The following KIAA0513 variants were observed in gnomAD, a reference collection of about 807,000 sequenced individuals.
The protein encoded by KIAA0513 is KIAA0513, also known as uncharacterized protein KIAA0513.
Under a neutral mutation model 56.5 loss-of-function variants are expected in KIAA0513, and 39 were observed. The observed-to-expected ratio is 0.69, with a 90% CI of 0.53 to 0.90. The LOEUF (loss-of-function observed/expected upper bound fraction) is 0.90. Ranked by LOEUF, KIAA0513 falls within the 40% of genes least tolerant of loss-of-function variation. The probability of loss-of-function intolerance (pLI) is 0.00; values close to 1 mark genes in which losing one functional copy is unlikely to be tolerated. For missense variants in KIAA0513, 591 were observed against 535.2 expected (o/e 1.10, Z -1.03); for synonymous variants, 268 against 215.6 (o/e 1.24, Z -2.13).
Position 85,091,043 on chromosome 16 carries a change from C to G in KIAA0513, c.*2718C>G, listed in dbSNP as rs917622558. 1 of 152,232 alleles carries G rather than the reference C, an allele frequency of 6.6e-6. No homozygotes were observed. The highest frequency in any genetic ancestry group is 1.5e-5 in the Non-Finnish European group (1 of 68,050). 9.4% of individuals were successfully genotyped at this position (152,232 alleles called of 1,614,324 possible). A position where few individuals can be genotyped will look rare whatever the true frequency, so the allele number is the denominator to read the frequency against. On this transcript the variant is annotated 3_prime_UTR_variant, in exon 13 of 13. Transcript: ENST00000683363. ...GTGTAGGAGAGCTCTGGTGGCCCCT[C>G]CGTAAACTCAGGAAGTGTCAGGTGA...
rs112431758 is a variant in KIAA0513, at chr16:85,075,409, C to T, written c.504-435C>T. Among the ~76,000 whole-genome samples the T allele has an allele frequency of 1.1e-4, 17 of 152,244 alleles. No homozygotes were observed. The Middle Eastern group carries it at 0.01, about 91-fold the overall frequency. On this transcript the variant is annotated intron_variant, in intron 4 of 12. Transcript: ENST00000683363. The stretch of plus-strand genomic sequence containing the variant: ...GGCTCCACCTCCTGACACCCCACTG[C>T]GAATGCTGTGGGCGGGAGCCTGAGA...
rs4991777 is a variant in KIAA0513, at chr16:85,062,993, C to A, written c.-172-3907C>A. Among the ~76,000 whole-genome samples, 413 of 146,890 alleles carry A rather than the reference C, an allele frequency of 2.8e-3. 3 individuals carry two copies. The highest frequency in any genetic ancestry group is 9.6e-3 in the African/African-American group (397 of 41,236). On this transcript the variant is annotated intron_variant, in intron 1 of 12. Transcript: ENST00000683363. ...TGACATCTTAGATCTGTGAGCGAGC[C>A]CCAGACAGCTGAGATCCCTGAGCTG... is the stretch of plus-strand genomic sequence containing the variant.
At chr16:85,052,743 AG>A (rs2073271825) in intron 1 of KIAA0513, among the ~76,000 whole-genome samples, 2 of 152,186 alleles carry the variant, frequency 1.3e-5, no homozygotes, top group Non-Finnish European at 2.9e-5. Context: ...GTTTGGGGGC[AG>A]GTGCTTTTGT....
intron 1 of KIAA0513, among the ~76,000 whole-genome samples, chr16:85,048,592 T>C (rs1229898450): frequency 6.6e-6 from 1 of 152,180 alleles, no homozygotes; most frequent in African/African-American, 2.4e-5. Context: ...TAAAAGACTT[T>C]CTGAAGCTGG....
intron 8 of KIAA0513, chr16:85,079,716 T>A (rs1379830601): frequency 6.6e-6 from 1 of 152,290 alleles, no homozygotes; most frequent in African/African-American, 2.4e-5. Flanking sequence ...GAAATGGTGG[T>A]GGCTGCACAA....
rs141231040 is a variant in KIAA0513, at chr16:85,045,441, C to T, written c.-173+17583C>T. ...TGCAATATTGGCTCACTGCAACCTC[C>T]GCCTCCCAGGTTCAAGTGATTCTCC... On this transcript the variant is annotated intron_variant, in intron 1 of 12. Coordinates refer to ENST00000683363, the MANE Select transcript of KIAA0513 (RefSeq NM_001388359.1). 5.4e-3 allele frequency among the ~76,000 whole-genome samples: 823 copies of T among 152,252 alleles called. 9 individuals are homozygous for T. The highest frequency in any genetic ancestry group is 0.019 in the African/African-American group (777 of 41,540).
chr16:85,033,559 G>C (rs1221746840), intron 1 of KIAA0513, among the ~76,000 whole-genome samples: 6 of 152,110 alleles, frequency 3.9e-5, no homozygotes, highest in African/African-American at 1.4e-4. Flanking sequence ...ATTTGGAAGG[G>C]CTGTTCACGA....
intron 1 of KIAA0513, among the ~76,000 whole-genome samples, chr16:85,049,419 G>A (rs1314238247): frequency 2.0e-5 from 3 of 152,198 alleles, no homozygotes; most frequent in African/African-American, 4.8e-5. Flanking sequence ...ATACGGTTTG[G>A]TTCTGCGTCC....
Position 85,087,040 on chromosome 16 carries a change from A to G in KIAA0513, c.1092-32A>G, listed in dbSNP as rs1428727179. 4.4e-6 allele frequency: 7 copies of G among 1,604,908 alleles called. 1 individual carries two copies. In the South Asian group the frequency reaches 7.7e-5, roughly 18 times the overall value. On this transcript the variant is annotated intron_variant, in intron 11 of 12. Coordinates refer to ENST00000683363, the MANE Select transcript of KIAA0513 (RefSeq NM_001388359.1). ...CCCCGGCCCTTTCCCCTGGGAGGCC[A>G]GCGGGTGACGCTCTTGGGGTTTCTC... is the stretch of plus-strand genomic sequence containing the variant.
At chr16:85,080,746 T>G (rs974125587) in intron 8 of KIAA0513, among the ~76,000 whole-genome samples, 3 of 152,202 alleles carry the variant, frequency 2.0e-5, no homozygotes, top group Admixed American at 6.5e-5. Flanking sequence ...TGAGCCGAGA[T>G]TGTGCCATTG....
chr16:85,033,686 G>T (rs1172936999), intron 1 of KIAA0513, among the ~76,000 whole-genome samples: 1 of 152,084 alleles, frequency 6.6e-6, no homozygotes, highest in Non-Finnish European at 1.5e-5. Context: ...GATGGGGGAG[G>T]GTAGAGCAGG....
chr16:85,054,263 A>G lies in KIAA0513; in HGVS notation c.-172-12637A>G, dbSNP rs1035476270. ...GAATGTCTTTTAGAATTACTTAGAC[A>G]TAGATTGTTATGTGTCACCTTGGTC... On this transcript the variant is annotated intron_variant, in intron 1 of 12. Coordinates refer to ENST00000683363, the MANE Select transcript of KIAA0513 (RefSeq NM_001388359.1). Among the ~76,000 whole-genome samples the G allele has an allele frequency of 3.9e-5, 6 of 152,322 alleles. No individual in the cohort carries two copies. The South Asian group carries it at 8.3e-4, about 21-fold the overall frequency.
chr16:85,066,612 G>A (rs904173198), intron 1 of KIAA0513, among the ~76,000 whole-genome samples: 10 of 152,298 alleles, frequency 6.6e-5, no homozygotes, highest in African/African-American at 2.2e-4. Flanking sequence ...CTGTCCTGGC[G>A]ATGGGCTCAG....
At chr16:85,044,057 C>T (rs1417449411) in intron 1 of KIAA0513, among the ~76,000 whole-genome samples, 1 of 152,186 alleles carries the variant, frequency 6.6e-6, no homozygotes, top group Non-Finnish European at 1.5e-5. Flanking sequence ...AAATGCCTTA[C>T]TTGAACCTTC....
chr16:85,038,505 C>T (rs1453474966), intron 1 of KIAA0513, among the ~76,000 whole-genome samples: 1 of 151,888 alleles, frequency 6.6e-6, no homozygotes, highest in Admixed American at 6.6e-5. Context: ...TCAGGAGTTC[C>T]AGACCGGTCT....
Position 85,090,852 on chromosome 16 carries a change from G to A in KIAA0513, c.*2527G>A, listed in dbSNP as rs895512962. The A allele has an allele frequency of 6.6e-6, 1 of 152,444 alleles. No homozygotes were observed. The highest frequency in any genetic ancestry group is 2.4e-5 in the African/African-American group (1 of 41,458). 9.4% of individuals were successfully genotyped at this position (152,444 alleles called of 1,614,324 possible). ...TGCTTGGAGAAGGCTCAGTGTGCCT[G>A]GGACAGGGCTTACCACCTGCCACCA... On this transcript the variant is annotated 3_prime_UTR_variant, in exon 13 of 13. Transcript: ENST00000683363.
chr16:85,078,467 C>T lies in KIAA0513; in HGVS notation c.823+12C>T, dbSNP rs1241388259. On this transcript the variant is annotated intron_variant, in intron 7 of 12. Coordinates refer to ENST00000683363, the MANE Select transcript of KIAA0513 (RefSeq NM_001388359.1). Reference sequence around the variant, plus strand: ...GCGGCCCAGGGCTGGTGAGTCTGCCCAGGCAGCAGCAGGAGACGCCCAGCC... The same window carrying T: ...GCGGCCCAGGGCTGGTGAGTCTGCCTAGGCAGCAGCAGGAGACGCCCAGCC... 3 of 1,612,694 alleles carry T rather than the reference C, an allele frequency of 1.9e-6. No individual in the cohort carries two copies. The highest frequency in any genetic ancestry group is 1.1e-5 in the South Asian group (1 of 91,050).
In KIAA0513 at chr16:85,076,467, G is replaced by A. The variant is rs765095777; in HGVS notation, c.574+553G>A. Among the ~76,000 whole-genome samples the A allele has an allele frequency of 1.3e-5, 2 of 152,170 alleles. No homozygotes were observed. Among genetic ancestry groups the A allele is most frequent in the Non-Finnish European group, 2.9e-5 (2 of 68,018 alleles). ...ATGTTGGAGCTCAAGGGCTTCCTGC[G>A]TGAGTCTCCTTGGGCTGCAGCAACA... On this transcript the variant is annotated intron_variant, in intron 5 of 12. Transcript: ENST00000683363. This position sits in a 1 kb window ranked among gnomAD's most constrained non-coding sequence, Gnocchi z 4.7.
chr16:85,044,503 TA>T lies in KIAA0513; in HGVS notation c.-173+16646del, dbSNP rs1240138897. On this transcript the variant is annotated intron_variant, in intron 1 of 12. Coordinates refer to ENST00000683363, the MANE Select transcript of KIAA0513 (RefSeq NM_001388359.1). ...ACCACAAAGTAATGCTCCTCCTTTT[TA>T]TTTTTATTTTTTTTTTTTTTTGAGA... Among the ~76,000 whole-genome samples, 684 of 145,434 alleles carry T rather than the reference TA, an allele frequency of 4.7e-3. 6 individuals are homozygous for T. The highest frequency in any genetic ancestry group is 0.018 in the African/African-American group (651 of 36,048).
Sources: allele counts gnomAD v4.1 joint callset (sites outside exome capture counted in the v4.1 genomes callset), GRCh38; gene constraint gnomAD v4.1.1; non-coding constraint Gnocchi (gnomAD v3.1); transcripts MANE v1.5; gene names NCBI Gene and HGNC (gene_info 2026-07-23, HGNC 2026-07-21).